DLGAP1: variants seen among roughly 807,000 people sequenced by gnomAD.
DLGAP1 encodes the protein disks large-associated protein 1.
DLGAP1 carries 11 observed loss-of-function variants against 90.8 expected under a neutral mutation model. The observed-to-expected ratio is 0.12, with a 90% CI of 0.08 to 0.20. DLGAP1 has a LOEUF of 0.20. DLGAP1 is among the 10% of genes least tolerant of loss of function. The pLI is 1.00. For synonymous variants in DLGAP1, 558 were observed against 540.7 expected (o/e 1.03, Z -0.44); for missense variants, 1,050 against 1,333.8 (o/e 0.79, Z 3.31).
At chr18:4,166,964 ATAAT>A (rs2076944079) in intron 1 of DLGAP1, among the ~76,000 whole-genome samples, 2 of 152,200 alleles carry the variant, frequency 1.3e-5, no homozygotes, top group African/African-American at 4.8e-5. Flanking sequence ...TGTTTGCATA[ATAAT>A]GTGAATGTAC....
At chr18:4,416,468 G>T (rs3850797) in intron 1 of DLGAP1, among the ~76,000 whole-genome samples, 14,485 of 152,140 alleles carry the variant, frequency 0.095, 2,212 homozygotes, top group African/African-American at 0.33. Context: ...GTTCAAGTAA[G>T]ATATGCATCA....
At chr18:3,643,126 T>C (rs2058997751) in intron 7 of DLGAP1, among the ~76,000 whole-genome samples, 1 of 152,134 alleles carries the variant, frequency 6.6e-6, no homozygotes, top group African/African-American at 2.4e-5. Context: ...AGGAAGAAGA[T>C]TTTAATAAAA....
intron 11 of DLGAP1, among the ~76,000 whole-genome samples, chr18:3,506,992 A>C (rs2050264079): frequency 6.6e-6 from 1 of 151,956 alleles, no homozygotes. Context: ...ATTTTTTCTG[A>C]GAGAGGGAAA....
In DLGAP1 at chr18:4,013,423, G is replaced by A. The variant is rs540240757; in HGVS notation, c.-158-8222C>T. ...AGCTGGACCCAAATCCAGACAGTCTGACCCTACAGTCTTCCTTTCAAATGG... is the reference window on the plus strand; with the variant it reads ...AGCTGGACCCAAATCCAGACAGTCTAACCCTACAGTCTTCCTTTCAAATGG... On this transcript the variant is annotated intron_variant, in intron 2 of 12. Transcript: ENST00000315677. 2.2e-3 allele frequency among the ~76,000 whole-genome samples: 331 copies of A among 152,304 alleles called. 2 individuals carry two copies. The highest frequency in any genetic ancestry group is 7.4e-3 in the African/African-American group (308 of 41,564).
intron 7 of DLGAP1, among the ~76,000 whole-genome samples, chr18:3,718,891 A>G (rs2061860843): frequency 6.9e-6 from 1 of 145,396 alleles, no homozygotes; most frequent in Non-Finnish European, 1.5e-5. Context: ...GCGCCACTGC[A>G]CTCCAGCCTG....
chr18:4,171,161 G>A (rs761496398), intron 1 of DLGAP1, among the ~76,000 whole-genome samples: 2 of 152,054 alleles, frequency 1.3e-5, no homozygotes, highest in Non-Finnish European at 2.9e-5. Context: ...TGAAAAGTAC[G>A]ATATAAATAA....
chr18:4,217,350 A>G (rs1176520296), intron 1 of DLGAP1, among the ~76,000 whole-genome samples: 1 of 152,146 alleles, frequency 6.6e-6, no homozygotes, highest in Non-Finnish European at 1.5e-5. Flanking sequence ...ATTCATGTTC[A>G]GGTTACAGTG....
intron 7 of DLGAP1, chr18:3,655,981 C>A: frequency 9.0e-7 from 1 of 1,115,520 alleles, no homozygotes; most frequent in Non-Finnish European, 1.3e-6. Flanking sequence ...TGGCAATTCG[C>A]ACATGGCGTC....
chr18:3,728,300 TTATATATA>T (rs200480157), intron 7 of DLGAP1, among the ~76,000 whole-genome samples: 5 of 123,664 alleles, frequency 4.0e-5, no homozygotes, highest in African/African-American at 7.0e-5. Flanking sequence ...AACGCAAATG[TTATATATA>T]TATATATATA....
chr18:3,823,132 G>A (rs1363701752), intron 4 of DLGAP1, among the ~76,000 whole-genome samples: 1 of 152,198 alleles, frequency 6.6e-6, no homozygotes, highest in Non-Finnish European at 1.5e-5. Context: ...TTTGGGAAAA[G>A]CTTTCTCCTC....
intron 7 of DLGAP1, among the ~76,000 whole-genome samples, chr18:3,659,138 ATTTAGAAT>A (rs2059594929): frequency 6.6e-6 from 1 of 152,226 alleles, no homozygotes. Flanking sequence ...TACAGTGAAA[ATTTAGAAT>A]TAGCTATATC....
At chr18:3,811,599 C>A (rs1401582274) in intron 5 of DLGAP1, among the ~76,000 whole-genome samples, 1 of 152,166 alleles carries the variant, frequency 6.6e-6, no homozygotes, top group African/African-American at 2.4e-5. Context: ...CTAACTCATA[C>A]CCAGTTCAAC....
intron 3 of DLGAP1, among the ~76,000 whole-genome samples, chr18:3,935,877 C>G (rs1294230358): frequency 6.6e-6 from 1 of 152,194 alleles, no homozygotes; most frequent in African/African-American, 2.4e-5. Context: ...ATTTTCCCTT[C>G]AGGATTTGGG....
intron 9 of DLGAP1, among the ~76,000 whole-genome samples, chr18:3,540,525 T>G (rs2052636921): frequency 6.8e-6 from 1 of 148,040 alleles, no homozygotes; most frequent in Admixed American, 6.7e-5. Flanking sequence ...AGAGGTTTAC[T>G]TAGGTTTACT....
intron 2 of DLGAP1, among the ~76,000 whole-genome samples, chr18:4,087,837 T>C (rs34681584): frequency 0.32 from 47,224 of 149,888 alleles, 7,458 homozygotes; most frequent in East Asian, 0.34. Context: ...GGGTTTCATG[T>C]GAACTGTGTA....
intron 3 of DLGAP1, among the ~76,000 whole-genome samples, chr18:3,970,126 C>T (rs1344816241): frequency 6.6e-6 from 1 of 152,158 alleles, no homozygotes; most frequent in Non-Finnish European, 1.5e-5. Flanking sequence ...AATGAAAATG[C>T]AAAATTTAAG....
intron 2 of DLGAP1, among the ~76,000 whole-genome samples, chr18:4,134,520 A>G (rs1323664679): frequency 1.6e-5 from 2 of 124,066 alleles, no homozygotes; most frequent in Non-Finnish European, 3.9e-5. Context: ...GTCGAGGCAG[A>G]GATAATTCAT....
At chr18:3,691,087 T>C (rs1312533955) in intron 7 of DLGAP1, among the ~76,000 whole-genome samples, 1 of 152,214 alleles carries the variant, frequency 6.6e-6, no homozygotes, top group Non-Finnish European at 1.5e-5. Flanking sequence ...TCCCTTTTTT[T>C]CTCAGGCCAG....
intron 2 of DLGAP1, among the ~76,000 whole-genome samples, chr18:4,021,170 C>T (rs762619638): frequency 2.0e-5 from 3 of 152,150 alleles, no homozygotes; most frequent in Non-Finnish European, 4.4e-5. Context: ...CCTGTACAGG[C>T]GGCTCTGCGT....
Sources: gnomAD v4.1 joint callset for allele counts (sites outside exome capture counted in the v4.1 genomes callset) on GRCh38, gnomAD v4.1.1 for gene constraint, MANE v1.5 for transcripts, NCBI Gene and HGNC (gene_info 2026-07-23, HGNC 2026-07-21) for gene names.